The following CEP63 variants were observed in gnomAD, a reference collection of about 807,000 sequenced individuals.
CEP63 encodes the protein centrosomal protein 63, also known as centrosomal protein of 63 kDa.
CEP63 carries 84 observed loss-of-function variants against 89.1 expected under a neutral mutation model. The observed-to-expected ratio is 0.94, with a 90% CI of 0.79 to 1.13. CEP63 has a LOEUF of 1.13. CEP63 is among the 50% of genes most tolerant of loss of function. The probability of loss-of-function intolerance (pLI) is 0.00; values close to 1 mark genes in which losing one functional copy is unlikely to be tolerated. For synonymous variants in CEP63, 267 were observed against 272.5 expected (o/e 0.98, Z 0.20); for missense variants, 838 against 813.3 (o/e 1.03, Z -0.37).
intron 2 of CEP63, among the ~76,000 whole-genome samples, chr3:134,505,689 C>T (rs374352605): frequency 3.1e-4 from 47 of 152,120 alleles, no homozygotes; most frequent in African/African-American, 1.1e-3. Flanking sequence ...TGGCAGTGAT[C>T]ACGGTAGGTT....
At chr3:134,535,922 A>G (rs1950685171) in intron 5 of CEP63, 1 of 152,222 alleles carries the variant, frequency 6.6e-6, no homozygotes, top group Non-Finnish European at 1.5e-5. Context: ...CTAATGGCCT[A>G]CGTGGTCTCA....
At chr3:134,734,817 A>G in the CEP63 span, among the ~76,000 whole-genome samples, 4 of 152,176 alleles carry the variant, frequency 2.6e-5, no homozygotes, top group Non-Finnish European at 4.4e-5. Flanking sequence ...CTTTGGTCAC[A>G]ACATTCTTGT....
the CEP63 span, among the ~76,000 whole-genome samples, chr3:134,738,352 C>T: frequency 1.3e-5 from 2 of 151,760 alleles, no homozygotes; most frequent in African/African-American, 2.4e-5. Context: ...ATTTTGCAAT[C>T]GTGAATTGTG....
chr3:134,659,314 G>A, the CEP63 span, among the ~76,000 whole-genome samples: 6 of 152,292 alleles, frequency 3.9e-5, no homozygotes, highest in South Asian at 1.0e-3. Context: ...TCTCTCTGAC[G>A]TAAACAAGGT....
At chr3:134,503,799 A>G (rs929256549) in intron 2 of CEP63, among the ~76,000 whole-genome samples, 2 of 144,158 alleles carry the variant, frequency 1.4e-5, no homozygotes, top group Admixed American at 7.1e-5. Flanking sequence ...CTTAAAGTCT[A>G]TTTTGTGTGA....
chr3:134,547,426 A>C lies in CEP63; in HGVS notation c.1021A>C (p.Thr341Pro). 1 of 1,613,828 alleles carries C rather than the reference A, an allele frequency of 6.2e-7. No individual in the cohort carries two copies. The highest frequency in any genetic ancestry group is 8.5e-7 in the Non-Finnish European group (1 of 1,179,766). Residue 341 changes from threonine (T) to proline (P), a missense_variant, in exon 9 of 15, where the codon ACT (threonine) becomes CCT (proline). By Grantham distance (38) the Thr-to-Pro change is conservative. Coordinates refer to ENST00000675561, the MANE Select transcript of CEP63 (RefSeq NM_001353108.3). ...GCTCTCCCAGTTGAATTTTACCCAT[A>C]CTAGTGAGGACCTTCTGCAGGCAGA... is the stretch of plus-strand genomic sequence containing the variant. ...SVLSQLNFTH[T>P]SEDLLQAEVT... is the part of the protein sequence containing the mutation.
chr3:134,773,245 G>A, the CEP63 span, among the ~76,000 whole-genome samples: 1 of 152,064 alleles, frequency 6.6e-6, no homozygotes, highest in African/African-American at 2.4e-5. Flanking sequence ...TGAGACCAAG[G>A]CCTCAAAAAG....
the CEP63 span, among the ~76,000 whole-genome samples, chr3:134,721,415 C>T: frequency 6.6e-5 from 10 of 152,024 alleles, no homozygotes; most frequent in Non-Finnish European, 1.0e-4. Flanking sequence ...ATGTAATCTA[C>T]CAGCAGATTT....
the CEP63 span, among the ~76,000 whole-genome samples, chr3:134,781,440 T>TA: frequency 6.6e-6 from 1 of 152,238 alleles, no homozygotes; most frequent in Admixed American, 6.5e-5. Context: ...TTATTGCCAT[T>TA]AAAATGCTGT....
chr3:134,542,605 AT>A (rs1952280383), intron 6 of CEP63, among the ~76,000 whole-genome samples: 1 of 152,206 alleles, frequency 6.6e-6, no homozygotes, highest in South Asian at 2.1e-4. Flanking sequence ...TTGTTGCTTC[AT>A]ATCACATTGT....
chr3:134,561,515 C>A lies in CEP63; in HGVS notation c.2092C>A (p.Gln698Lys). The A allele has an allele frequency of 6.2e-7, 1 of 1,613,736 alleles. No homozygotes were observed. Among genetic ancestry groups the A allele is most frequent in the Non-Finnish European group, 8.5e-7 (1 of 1,179,856 alleles). Residue 698 changes from glutamine (Q) to lysine (K), a missense_variant, in exon 15 of 15, where the codon CAA (glutamine) becomes AAA (lysine). Coordinates refer to ENST00000675561, the MANE Select transcript of CEP63 (RefSeq NM_001353108.3). Reference sequence around the variant, plus strand: ...AAGAGAGAGTGAAAAGACAGTGAGACAATTCACAGCCTTAAAGTAGCCTCT... The same window carrying A: ...AAGAGAGAGTGAAAAGACAGTGAGAAAATTCACAGCCTTAAAGTAGCCTCT... ...LKRESEKTVR[Q>K]FTALK
At chr3:134,728,315 AT>A in the CEP63 span, among the ~76,000 whole-genome samples, 34 of 152,170 alleles carry the variant, frequency 2.2e-4, no homozygotes, top group Admixed American at 4.6e-4. Flanking sequence ...ACAACTTTAG[AT>A]TTTTTTCCTA....
At chr3:134,706,256 G>T in the CEP63 span, among the ~76,000 whole-genome samples, 4 of 152,294 alleles carry the variant, frequency 2.6e-5, no homozygotes, top group Middle Eastern at 3.4e-3. Flanking sequence ...TTGAGGGTGT[G>T]GGAGTTTTGA....
At chr3:134,638,946 A>G in the CEP63 span, among the ~76,000 whole-genome samples, 1 of 151,366 alleles carries the variant, frequency 6.6e-6, no homozygotes, top group Non-Finnish European at 1.5e-5. Context: ...ACACGGGTGT[A>G]TATGTGTGTG....
At chr3:134,566,523 A>T (rs528880576), downstream of CEP63, among the ~76,000 whole-genome samples, 4 of 152,126 alleles carry the variant, frequency 2.6e-5, no homozygotes, top group East Asian at 7.7e-4. Flanking sequence ...GAGGAGTCCA[A>T]CCTCTCCCTT....
the CEP63 span, among the ~76,000 whole-genome samples, chr3:134,602,068 T>C: frequency 1.3e-5 from 2 of 152,224 alleles, no homozygotes; most frequent in East Asian, 3.9e-4. Flanking sequence ...CTGGCTGTGG[T>C]TGAGCCTGGA....
At chr3:134,744,730 C>A in the CEP63 span, among the ~76,000 whole-genome samples, 1 of 152,090 alleles carries the variant, frequency 6.6e-6, no homozygotes, top group Non-Finnish European at 1.5e-5. Flanking sequence ...CTTGCCCAGG[C>A]TGGTCTTGAA....
the CEP63 span, among the ~76,000 whole-genome samples, chr3:134,677,571 C>G: frequency 0.66 from 99,499 of 151,866 alleles, 32,947 homozygotes; most frequent in East Asian, 0.93. Flanking sequence ...TCGATGGCCC[C>G]TGATTTCTCT....
chr3:134,767,148 G>T, the CEP63 span, among the ~76,000 whole-genome samples: 2 of 152,170 alleles, frequency 1.3e-5, no homozygotes, highest in Admixed American at 6.5e-5. Context: ...GACGCTGGCT[G>T]TTGGCCTGTG....
Sources: gnomAD v4.1 joint callset for allele counts (sites outside exome capture counted in the v4.1 genomes callset) on GRCh38, gnomAD v4.1.1 for gene constraint, MANE v1.5 for transcripts, NCBI Gene and HGNC (gene_info 2026-07-23, HGNC 2026-07-21) for gene names.